The following SPOCK3 variants were observed in gnomAD, a reference collection of about 807,000 sequenced individuals.
SPOCK3 encodes SPARC (osteonectin), cwcv and kazal like domains proteoglycan 3.
SPOCK3 carries 30 observed loss-of-function variants against 56.6 expected under a neutral mutation model. That is an observed-to-expected ratio of 0.53 (90% CI 0.40 to 0.72). The LOEUF is 0.72. Among genes scored for constraint, SPOCK3 ranks in the 30% least tolerant of loss-of-function variants. SPOCK3 has a pLI of 0.00. For synonymous variants in SPOCK3, 196 were observed against 183.3 expected (o/e 1.07, Z -0.56); for missense variants, 527 against 530.0 (o/e 0.99, Z 0.06).
intron 4 of SPOCK3, among the ~76,000 whole-genome samples, chr4:166,927,583 C>T (rs1005200897): frequency 2.0e-5 from 3 of 152,106 alleles, no homozygotes; most frequent in Non-Finnish European, 2.9e-5. Flanking sequence ...TAACTCAAAA[C>T]GTATCACAGA....
At chr4:167,097,688 C>T (rs1013444284) in intron 2 of SPOCK3, among the ~76,000 whole-genome samples, 1 of 151,776 alleles carries the variant, frequency 6.6e-6, no homozygotes, top group South Asian at 2.1e-4. Context: ...CCAGAAATCT[C>T]ATTATTGGGT....
intron 4 of SPOCK3, among the ~76,000 whole-genome samples, chr4:166,982,596 G>A (rs1050161032): frequency 4.6e-5 from 7 of 151,912 alleles, no homozygotes; most frequent in African/African-American, 1.7e-4. Flanking sequence ...AACTCCTATA[G>A]GTGAAAATAA....
chr4:167,153,074 A>G (rs1764547697), intron 2 of SPOCK3, among the ~76,000 whole-genome samples: 1 of 152,212 alleles, frequency 6.6e-6, no homozygotes, highest in African/African-American at 2.4e-5. Context: ...TAACAACACC[A>G]TGAGAGAGAT....
intron 2 of SPOCK3, among the ~76,000 whole-genome samples, chr4:167,190,108 A>G (rs896353454): frequency 1.4e-5 from 2 of 146,218 alleles, no homozygotes; most frequent in Non-Finnish European, 3.0e-5. Context: ...TCTTCAACAT[A>G]TTGATTTTAT....
intron 6 of SPOCK3, among the ~76,000 whole-genome samples, chr4:166,823,513 T>A (rs1292988246): frequency 6.6e-6 from 1 of 152,074 alleles, no homozygotes; most frequent in Non-Finnish European, 1.5e-5. Flanking sequence ...ATAATTTCTG[T>A]GAAAATTCTG....
intron 2 of SPOCK3, among the ~76,000 whole-genome samples, chr4:167,132,335 T>A (rs951931973): frequency 6.6e-6 from 1 of 152,222 alleles, no homozygotes; most frequent in African/African-American, 2.4e-5. Context: ...AGCATTTATC[T>A]TTCAATTGTT....
At chr4:166,768,985 C>T (rs1285712290) in intron 7 of SPOCK3, among the ~76,000 whole-genome samples, 1 of 152,224 alleles carries the variant, frequency 6.6e-6, no homozygotes, top group Non-Finnish European at 1.5e-5. Context: ...AAATCAGCTA[C>T]TGAAGCTTGT....
At chr4:166,934,784 T>C (rs1401319355) in intron 4 of SPOCK3, among the ~76,000 whole-genome samples, 2 of 152,176 alleles carry the variant, frequency 1.3e-5, no homozygotes, top group African/African-American at 4.8e-5. Context: ...AAATGCTTCC[T>C]GCTCCATTTC....
chr4:166,767,911 T>G (rs1179458665), intron 7 of SPOCK3, among the ~76,000 whole-genome samples: 1 of 152,210 alleles, frequency 6.6e-6, no homozygotes, highest in African/African-American at 2.4e-5. Flanking sequence ...AGTTAGCTCT[T>G]TTTGTTGAAT....
intron 6 of SPOCK3, among the ~76,000 whole-genome samples, chr4:166,864,535 G>A (rs1731583204): frequency 6.6e-6 from 1 of 151,852 alleles, no homozygotes; most frequent in Non-Finnish European, 1.5e-5. Flanking sequence ...TAGACCATTA[G>A]CAAGAATAAT....
At chr4:167,233,810 A>G (rs1199825665) in intron 2 of SPOCK3, among the ~76,000 whole-genome samples, 175 bp downstream of exon 2, 1 of 152,084 alleles carries the variant, frequency 6.6e-6, no homozygotes, top group Admixed American at 6.6e-5. Context: ...CCCTTGAACC[A>G]GCTGGGAGGG....
At chr4:167,101,353 T>A (rs1759627853) in intron 2 of SPOCK3, among the ~76,000 whole-genome samples, 1 of 152,096 alleles carries the variant, frequency 6.6e-6, no homozygotes, top group South Asian at 2.1e-4. Context: ...GTCTCCCTAC[T>A]TATTCCCTGA....
rs186041067 is a variant in SPOCK3, at chr4:167,206,671, T to C, written c.189+27314A>G. 7.2e-5 allele frequency among the ~76,000 whole-genome samples: 11 copies of C among 152,110 alleles called. No individual in the cohort carries two copies. In the East Asian group the frequency reaches 2.1e-3, roughly 29 times the overall value. On this transcript the variant is annotated intron_variant, in intron 2 of 10. Transcript: ENST00000357545. ...GAAATATTATATCAACTGAACACAA[T>C]AAAACTCCATCTTAAGACTCAAGTA...
At chr4:166,979,506 C>T (rs886990336) in intron 4 of SPOCK3, among the ~76,000 whole-genome samples, 1 of 152,174 alleles carries the variant, frequency 6.6e-6, no homozygotes, top group African/African-American at 2.4e-5. Flanking sequence ...AATACCAATT[C>T]AGATTGCCAA....
intron 2 of SPOCK3, among the ~76,000 whole-genome samples, chr4:167,161,157 T>A (rs1320636646): frequency 1.3e-5 from 2 of 152,158 alleles, no homozygotes; most frequent in Admixed American, 6.5e-5. Flanking sequence ...GACAAAGGGC[T>A]AATATCCCGA....
At chr4:166,766,937 A>G (rs910818739) in intron 7 of SPOCK3, among the ~76,000 whole-genome samples, 4 of 151,800 alleles carry the variant, frequency 2.6e-5, no homozygotes, top group African/African-American at 9.7e-5. Flanking sequence ...TTGTCGAGGA[A>G]TTTATCCATT....
intron 8 of SPOCK3, among the ~76,000 whole-genome samples, chr4:166,742,838 G>C (rs1287855465): frequency 6.6e-6 from 1 of 152,074 alleles, no homozygotes; most frequent in Non-Finnish European, 1.5e-5. Flanking sequence ...TCACAATATA[G>C]TTTGCCTTAT....
intron 6 of SPOCK3, among the ~76,000 whole-genome samples, chr4:166,808,953 A>G (rs939318425): frequency 6.6e-6 from 1 of 152,100 alleles, no homozygotes; most frequent in Non-Finnish European, 1.5e-5. Context: ...ACTGATTTCA[A>G]TGATCTTTTA....
intron 6 of SPOCK3, among the ~76,000 whole-genome samples, chr4:166,803,412 C>T (rs984843476): frequency 1.3e-5 from 2 of 151,996 alleles, no homozygotes; most frequent in Non-Finnish European, 2.9e-5. Flanking sequence ...GGCATTTGGG[C>T]AGTAGTAATA....
Sources: gnomAD v4.1 joint callset for allele counts (sites outside exome capture counted in the v4.1 genomes callset) on GRCh38, gnomAD v4.1.1 for gene constraint, MANE v1.5 for transcripts, NCBI Gene and HGNC (gene_info 2026-07-23, HGNC 2026-07-21) for gene names.